Variants in ZNF512B observed in about 807,000 individuals in gnomAD.
The protein encoded by ZNF512B is zinc finger protein 512B.
A neutral mutation model predicts 87.8 loss-of-function variants in ZNF512B; 22 were observed. The observed-to-expected ratio is 0.25, with a 90% CI of 0.18 to 0.36. ZNF512B has a LOEUF of 0.36. ZNF512B is among the 10% of genes least tolerant of loss of function. The pLI is 1.00. For missense variants in ZNF512B, 1,060 were observed against 1,231.6 expected, an observed-to-expected ratio of 0.86 and a Z score of 2.09; for synonymous variants, 524 against 490.9, an observed-to-expected ratio of 1.07 and a Z score of -0.89.
intron 12 of ZNF512B, 55 bp downstream of exon 12, chr20:63,963,040 A>G: frequency 6.7e-7 from 1 of 1,483,052 alleles, no homozygotes; most frequent in Non-Finnish European, 9.0e-7. Context: ...AGGCACACGG[A>G]ACACACACGG....
rs2058822080 is a variant in ZNF512B at position 63,958,894 on chromosome 20, T to G, written c.*994A>C. The G allele has an allele frequency of 6.6e-6, 1 of 152,274 alleles. No homozygotes were observed. Among genetic ancestry groups the G allele is most frequent in the African/African-American group, 2.4e-5 (1 of 41,392 alleles). 9.4% of individuals were successfully genotyped at this position (152,274 alleles called of 1,614,324 possible). On this transcript the variant is annotated 3_prime_UTR_variant, in exon 17 of 17. Coordinates refer to ENST00000369888, the MANE Select transcript of ZNF512B (RefSeq NM_020713.3). ...GCTTGGCCACTGGGCCTACCCAGAT[T>G]GGCAGACAGAAGGCTGCCTTTCCCC... is the stretch of plus-strand genomic sequence containing the variant.
In ZNF512B at chr20:63,961,360, C is replaced by T; in HGVS notation, c.2376G>A (p.Glu792=). The change falls in exon 16 of 17, where the codon GAG becomes GAA. Residue 792 remains glutamate, a synonymous_variant. Coordinates refer to ENST00000369888, the MANE Select transcript of ZNF512B (RefSeq NM_020713.3). This position sits in a 1 kb window ranked among gnomAD's most constrained non-coding sequence, Gnocchi z 6.4. ...GKYRCLLCPK[E]FSSESGVKYH... Reference sequence around the variant, plus strand: ...ATTTGACGCCACTCTCAGAACTGAACTCCTTCGGACACAGCAGACAGCGGT... The same window carrying T: ...ATTTGACGCCACTCTCAGAACTGAATTCCTTCGGACACAGCAGACAGCGGT... 2 of 1,612,814 alleles carry T rather than the reference C, an allele frequency of 1.2e-6. No individual in the cohort carries two copies. The highest frequency in any genetic ancestry group is 1.7e-6 in the Non-Finnish European group (2 of 1,179,976).
At position 63,969,817 on chromosome 20, in the gene ZNF512B, C is replaced by A. The variant is rs1397934811; in HGVS notation, c.-6G>T. The A allele has an allele frequency of 9.4e-6, 1 of 106,924 alleles. No homozygotes were observed. The highest frequency in any genetic ancestry group is 1.9e-5 in the Non-Finnish European group (1 of 53,894). The allele number at this position is 106,924 out of a possible 1,614,324, so 6.6% of individuals were successfully genotyped here. A position where few individuals can be genotyped will look rare whatever the true frequency, so the allele number is the denominator to read the frequency against. On this transcript the variant is annotated 5_prime_UTR_variant, in exon 1 of 17. Coordinates refer to ENST00000369888, the MANE Select transcript of ZNF512B (RefSeq NM_020713.3). Reference sequence around the variant, plus strand: ...CGGGGCGCGGCCGGGCGCTTACCTGCGGCGCCCAGCGGGGCTGCGGCCGGG... The same window carrying A: ...CGGGGCGCGGCCGGGCGCTTACCTGAGGCGCCCAGCGGGGCTGCGGCCGGG...
rs147787751 is a variant in ZNF512B, at chr20:63,960,001, G to C, written c.2566C>G (p.Pro856Ala). The C allele has an allele frequency of 5.0e-6, 8 of 1,613,166 alleles. No individual in the cohort carries two copies. The South Asian group carries it at 7.7e-5, about 15-fold the overall frequency. The change falls in exon 17 of 17, where the codon CCT (proline) becomes GCT (alanine). Residue 856 changes from proline to alanine, a missense_variant. By Grantham distance (27) the Pro-to-Ala change is conservative. Transcript: ENST00000369888. Reference sequence around the variant, plus strand: ...CGGCGCGGGGGCAGCTTGGCCACAGGCTCCTCTGGGGTCCGCTCCTTGGGC... The same window carrying C: ...CGGCGCGGGGGCAGCTTGGCCACAGCCTCCTCTGGGGTCCGCTCCTTGGGC... ...RKPKERTPEE[P>A]VAKLPPRRDD...
chr20:63,962,093 C>T (rs2058859049), intron 14 of ZNF512B, 89 bp from the exon 15 acceptor site: 2 of 1,449,708 alleles, frequency 1.4e-6, no homozygotes, highest in Non-Finnish European at 1.9e-6. Flanking sequence ...ATCTCTGAGG[C>T]TCTTTGGGGC....
Position 63,966,753 on chromosome 20 carries a change from G to A in ZNF512B, c.422C>T (p.Pro141Leu). The change falls in exon 5 of 17, where the codon CCC becomes CTC. Residue 141 changes from proline to leucine, a missense_variant. This residue lies in a region of ZNF512B where 32 missense variants were observed against 68.0 expected (regional missense o/e 0.47). Transcript: ENST00000369888. Reference sequence around the variant, plus strand: ...GAATGCGGCCTCGCAGAAGGGGCAGGGGAAGGCCAGGCGATCTGAGATGGC... The same window carrying A: ...GAATGCGGCCTCGCAGAAGGGGCAGAGGAAGGCCAGGCGATCTGAGATGGC... Reference protein sequence around the residue: ...GGAISDRLAFPCPFCEAAFTS... With the variant: ...GGAISDRLAFLCPFCEAAFTS... 1.3e-6 allele frequency: 2 copies of A among 1,599,446 alleles called. No homozygotes were observed. The highest frequency in any genetic ancestry group is 1.7e-6 in the Non-Finnish European group (2 of 1,172,852).
rs199891519 is a variant in ZNF512B, at chr20:63,964,742, C to A, written c.1035-26G>T. On this transcript the variant is annotated intron_variant, in intron 5 of 16. Transcript: ENST00000369888. ...CTGCAGGGAGCAGGTGAGGTGAGGG[C>A]CAGGAGGGCCTAACTGTGGGCCCCA... 21 of 1,604,424 alleles carry A rather than the reference C, an allele frequency of 1.3e-5. No individual in the cohort carries two copies. In the Admixed American group the frequency reaches 2.2e-4, roughly 17 times the overall value.
rs1167420458 is a variant in ZNF512B, at chr20:63,959,147, G to GT, written c.*740dup. The GT allele has an allele frequency of 1.3e-5, 2 of 152,636 alleles. No homozygotes were observed. Among genetic ancestry groups the GT allele is most frequent in the Non-Finnish European group, 2.9e-5 (2 of 68,260 alleles). The allele number at this position is 152,636 out of a possible 1,614,324, so 9.5% of individuals were successfully genotyped here. A position where few individuals can be genotyped will look rare whatever the true frequency, so the allele number is the denominator to read the frequency against. ...AAGGGCATCAAGCTTCTGCTGCCCT[G>GT]TAGGTACAAGAAGCAAAACCCCTCC... On this transcript the variant is annotated 3_prime_UTR_variant, in exon 17 of 17. Transcript: ENST00000369888.
At position 63,967,899 on chromosome 20, in the gene ZNF512B, T is replaced by G; in HGVS notation, c.52A>C (p.Ser18Arg). 6.2e-7 allele frequency: 1 copy of G among 1,613,038 alleles called. No individual in the cohort carries two copies. The highest frequency in any genetic ancestry group is 1.7e-4 in the Middle Eastern group (1 of 6,058). ...CGGCTGCCATCCTTCCCGGGACCAC[T>G]CTTGCTGGACCCCGGGAGCCGACGG... ...GGRRLPGSSK[S>R]GPGKDGSRKE... is the part of the protein sequence containing the mutation. Residue 18 changes from serine (S) to arginine (R), a missense_variant, in exon 2 of 17, where the codon AGT becomes CGT. Transcript: ENST00000369888.
Position 63,959,632 on chromosome 20 carries a change from G to GGA in ZNF512B, c.*254_*255dup, listed in dbSNP as rs766849247. The GGA allele has an allele frequency of 4.0e-6, 2 of 501,434 alleles. No homozygotes were observed. Among genetic ancestry groups the GGA allele is most frequent in the Non-Finnish European group, 6.9e-6 (2 of 290,424 alleles). 31.1% of individuals were successfully genotyped at this position (501,434 alleles called of 1,614,324 possible). On this transcript the variant is annotated 3_prime_UTR_variant, in exon 17 of 17. Transcript: ENST00000369888. ...CAAGACCCCAGACACATTCCCATGA[G>GGA]GAGGGGCAACCCTCCTGGCTATTGC...
rs527913829 is a variant in ZNF512B, at chr20:63,958,611, C to T, written c.*1277G>A. On this transcript the variant is annotated 3_prime_UTR_variant, in exon 17 of 17. Transcript: ENST00000369888. ...CAATGCCGTGGTTGGAAGGCAGGAC[C>T]CCAGGGAGGGAGCCACAGGCTGTGG... The T allele has an allele frequency of 3.9e-5, 6 of 152,240 alleles. No individual in the cohort carries two copies. The highest frequency in any genetic ancestry group is 8.8e-5 in the Non-Finnish European group (6 of 68,032). The allele number at this position is 152,240 out of a possible 1,614,324, so 9.4% of individuals were successfully genotyped here.
rs1382089675 is a variant in ZNF512B, at chr20:63,956,830, G to A, written c.*3058C>T. 6.5e-6 allele frequency: 1 copy of A among 153,656 alleles called. No individual in the cohort carries two copies. The highest frequency in any genetic ancestry group is 2.4e-5 in the African/African-American group (1 of 41,502). The allele number at this position is 153,656 out of a possible 1,614,324, so 9.5% of individuals were successfully genotyped here. A position where few individuals can be genotyped will look rare whatever the true frequency, so the allele number is the denominator to read the frequency against. ...AGGACCGGGGACAGATGGTCACAAG[G>A]CGGGCGGGGCCCGAACTCACCGTTG... is the stretch of plus-strand genomic sequence containing the variant. On this transcript the variant is annotated 3_prime_UTR_variant, in exon 17 of 17. Transcript: ENST00000369888.
rs780877830 is a variant in ZNF512B at position 63,966,446 on chromosome 20, GCTGA to G, written c.725_728del (p.Val242AlafsTer36). ...TGGCCTTGGTGACGGGCATGGGCCT[GCTGA>G]CTGTGACAGGTTTGGTGACTGGCAC... On this transcript the variant is annotated frameshift_variant, in exon 5 of 17. Transcript: ENST00000369888. LOFTEE classifies it high-confidence loss of function. 2.5e-6 allele frequency: 4 copies of G among 1,614,104 alleles called. No homozygotes were observed. The highest frequency in any genetic ancestry group is 2.5e-6 in the Non-Finnish European group (3 of 1,180,026).
rs368098991 is a variant in ZNF512B, at chr20:63,966,416, C to A, written c.759G>T (p.Pro253=). The A allele has an allele frequency of 1.2e-6, 2 of 1,613,918 alleles. No individual in the cohort carries two copies. Among genetic ancestry groups the A allele is most frequent in the Non-Finnish European group, 1.7e-6 (2 of 1,180,012 alleles). The change falls in exon 5 of 17, where the codon CCG becomes CCT. Residue 253 remains proline, a synonymous_variant. Coordinates refer to ENST00000369888, the MANE Select transcript of ZNF512B (RefSeq NM_020713.3). ...SRPMPVTKAM[P]VTKPITVTKS... The stretch of plus-strand genomic sequence containing the variant: ...TGGTGACTGTGATGGGTTTGGTGAC[C>A]GGCATGGCCTTGGTGACGGGCATGG...
chr20:63,958,194 G>C lies in ZNF512B; in HGVS notation c.*1694C>G, dbSNP rs926238725. Reference sequence around the variant, plus strand: ...TACTACTGCAGGCCAAGCCCAGTGGGGCCCCTTCTCCCTGGGGAATGGGGG... The same window carrying C: ...TACTACTGCAGGCCAAGCCCAGTGGCGCCCCTTCTCCCTGGGGAATGGGGG... On this transcript the variant is annotated 3_prime_UTR_variant, in exon 17 of 17. Transcript: ENST00000369888. 17 of 152,364 alleles carry C rather than the reference G, an allele frequency of 1.1e-4. No individual in the cohort carries two copies. Among genetic ancestry groups the C allele is most frequent in the African/African-American group, 3.6e-4 (15 of 41,482 alleles). 9.4% of individuals were successfully genotyped at this position (152,364 alleles called of 1,614,324 possible). A position where few individuals can be genotyped will look rare whatever the true frequency, so the allele number is the denominator to read the frequency against.
At position 63,965,060 on chromosome 20, in the gene ZNF512B, G is replaced by A. The variant is rs532387878; in HGVS notation, c.1035-344C>T. ...CCTTTTCTCACCACTGTTCCTCCCC[G>A]ACCTGGGACGAGCCCCCATACCTTT... is the stretch of plus-strand genomic sequence containing the variant. On this transcript the variant is annotated intron_variant, in intron 5 of 16. Coordinates refer to ENST00000369888, the MANE Select transcript of ZNF512B (RefSeq NM_020713.3). 2.6e-3 allele frequency among the ~76,000 whole-genome samples: 58 copies of A among 22,208 alleles called. 3 individuals are homozygous for A. The highest frequency in any genetic ancestry group is 0.019 in the African/African-American group (52 of 2,776). The allele number at this position is 22,208 out of a possible 152,430, so 14.6% of individuals were successfully genotyped here.
At position 63,969,341 on chromosome 20, in the gene ZNF512B, C is replaced by G. The variant is rs546613180; in HGVS notation, c.-3+473G>C. On this transcript the variant is annotated intron_variant, in intron 1 of 16. Transcript: ENST00000369888. ...GGATGAGAAGGGGCTTCGGCCCTCC[C>G]GAGCCCAGCGGGGACACAGAGCCCT... 2.6e-3 allele frequency among the ~76,000 whole-genome samples: 403 copies of G among 152,340 alleles called. 2 individuals carry two copies. The highest frequency in any genetic ancestry group is 0.01 in the Middle Eastern group (3 of 292).
In ZNF512B at chr20:63,966,584, A is replaced by C; in HGVS notation, c.591T>G (p.Pro197=). ...GVSKPIGVSK[P]VTIGKPVGVS... ...CACCCACAGGTTTGCCAATAGTGACAGGTTTGCTCACTCCGATGGGCTTGC... is the reference window on the plus strand; with the variant it reads ...CACCCACAGGTTTGCCAATAGTGACCGGTTTGCTCACTCCGATGGGCTTGC... The change falls in exon 5 of 17, where the codon CCT becomes CCG. Residue 197 remains proline, a synonymous_variant. Coordinates refer to ENST00000369888, the MANE Select transcript of ZNF512B (RefSeq NM_020713.3). 1 of 1,613,690 alleles carries C rather than the reference A, an allele frequency of 6.2e-7. No individual in the cohort carries two copies. Among genetic ancestry groups the C allele is most frequent in the Non-Finnish European group, 8.5e-7 (1 of 1,179,976 alleles).
In ZNF512B at chr20:63,957,396, T is replaced by A. The variant is rs968761811; in HGVS notation, c.*2492A>T. 1 of 152,404 alleles carries A rather than the reference T, an allele frequency of 6.6e-6. No homozygotes were observed. Among genetic ancestry groups the A allele is most frequent in the Non-Finnish European group, 1.5e-5 (1 of 68,012 alleles). The allele number at this position is 152,404 out of a possible 1,614,324, so 9.4% of individuals were successfully genotyped here. A position where few individuals can be genotyped will look rare whatever the true frequency, so the allele number is the denominator to read the frequency against. On this transcript the variant is annotated 3_prime_UTR_variant, in exon 17 of 17. Transcript: ENST00000369888. ...GCTGGTCCCTCTCACTGAGGGCTCC[T>A]GGAGGCCTATGTGGGCCAGCGTAGG...
Sources: gnomAD v4.1 joint callset for allele counts (sites outside exome capture counted in the v4.1 genomes callset) on GRCh38, gnomAD v4.1.1 for gene constraint, gnomAD v4.1.1 regional missense constraint, Gnocchi (gnomAD v3.1) non-coding constraint, MANE v1.5 for transcripts, NCBI Gene and HGNC (gene_info 2026-07-23, HGNC 2026-07-21) for gene names.